Variants in OR9Q1 observed in about 807,000 individuals in gnomAD.
The protein encoded by OR9Q1 is olfactory receptor 9Q1.
For missense variants in OR9Q1, 374 were observed against 378.8 expected (o/e 0.99, Z 0.11); for synonymous variants, 153 against 148.6 (o/e 1.03, Z -0.22).
In OR9Q1 at chr11:58,180,453, C is replaced by T. The variant is rs893302418; in HGVS notation, c.*76C>T. Reference sequence around the variant, plus strand: ...AATTCTGGACGCTCATTATTTATAGCATGCTCAATGTTTAAATGAATATAT... The same window carrying T: ...AATTCTGGACGCTCATTATTTATAGTATGCTCAATGTTTAAATGAATATAT... On this transcript the variant is annotated 3_prime_UTR_variant, in exon 3 of 3. Transcript: ENST00000335397. 1.7e-4 allele frequency: 147 copies of T among 875,316 alleles called. No homozygotes were observed. The highest frequency in any genetic ancestry group is 2.4e-4 in the Non-Finnish European group (137 of 567,716). 54.2% of individuals were successfully genotyped at this position (875,316 alleles called of 1,614,324 possible).
At chr11:58,030,964 T>C (rs1350407983) in intron 1 of OR9Q1, 3 of 1,612,518 alleles carry the variant, frequency 1.9e-6, no homozygotes, top group Non-Finnish European at 2.5e-6. Flanking sequence ...TGCAACCATA[T>C]ACCAAAAACT....
chr11:58,151,776 ATT>A (rs11321930), intron 2 of OR9Q1, among the ~76,000 whole-genome samples: 11 of 147,928 alleles, frequency 7.4e-5, no homozygotes, highest in Admixed American at 3.4e-4. Context: ...CCCCCAGACC[ATT>A]TTTTTTTTTA....
chr11:58,119,908 C>G (rs1332407772), intron 2 of OR9Q1, among the ~76,000 whole-genome samples: 1 of 152,118 alleles, frequency 6.6e-6, no homozygotes, highest in Non-Finnish European at 1.5e-5. Flanking sequence ...CTTAGTTTTA[C>G]CCCTTCTAGA....
intron 2 of OR9Q1, among the ~76,000 whole-genome samples, chr11:58,178,947 A>G (rs1854631717): frequency 6.9e-6 from 1 of 144,070 alleles, no homozygotes; most frequent in African/African-American, 2.5e-5. Flanking sequence ...TATATAATAT[A>G]TATTTACATA....
At chr11:58,024,952 C>T (rs2441953) in intron 1 of OR9Q1, among the ~76,000 whole-genome samples, 1 of 151,922 alleles carries the variant, frequency 6.6e-6, no homozygotes, top group Non-Finnish European at 1.5e-5. Context: ...CTTTTTTTGT[C>T]AGAAGCTCTG....
intron 2 of OR9Q1, among the ~76,000 whole-genome samples, chr11:58,083,178 A>AT (rs1377360767): frequency 6.6e-6 from 1 of 151,846 alleles, no homozygotes; most frequent in African/African-American, 2.4e-5. Flanking sequence ...TCCATCTTTA[A>AT]TTTTTGTATA....
chr11:58,145,748 T>G (rs1448230563), intron 2 of OR9Q1, among the ~76,000 whole-genome samples: 1 of 152,208 alleles, frequency 6.6e-6, no homozygotes, highest in Non-Finnish European at 1.5e-5. Flanking sequence ...TTATCTGTCC[T>G]GCGTATTGTG....
At chr11:58,121,534 A>T (rs193093322) in intron 2 of OR9Q1, among the ~76,000 whole-genome samples, 1 of 152,306 alleles carries the variant, frequency 6.6e-6, no homozygotes, top group Admixed American at 6.5e-5. Context: ...CATGTAGAGG[A>T]GCCAGGATCC....
At chr11:58,178,651 G>A (rs1207409595) in intron 2 of OR9Q1, among the ~76,000 whole-genome samples, 1 of 151,970 alleles carries the variant, frequency 6.6e-6, no homozygotes, top group African/African-American at 2.4e-5. Context: ...AACACTTGGT[G>A]GAGCAATAAG....
intron 1 of OR9Q1, among the ~76,000 whole-genome samples, chr11:58,027,343 G>C (rs78043749): frequency 1.3e-5 from 2 of 152,108 alleles, no homozygotes; most frequent in African/African-American, 4.8e-5. Flanking sequence ...GTTCTTTTTC[G>C]CTCATGTAAC....
chr11:58,139,912 T>C (rs1179407087), intron 2 of OR9Q1, among the ~76,000 whole-genome samples: 2 of 151,764 alleles, frequency 1.3e-5, no homozygotes, highest in African/African-American at 4.8e-5. Context: ...AGTGTAAAAG[T>C]GTTCCTATTT....
Position 58,108,914 on chromosome 11 carries a change from G to A in OR9Q1, c.-15+52967G>A, listed in dbSNP as rs562249087. On this transcript the variant is annotated intron_variant, in intron 2 of 2. Coordinates refer to ENST00000335397, the MANE Select transcript of OR9Q1 (RefSeq NM_001005212.4). Reference sequence around the variant, plus strand: ...ATGAAGGCAAGTGTCCCAAAGAAGAGGACAACAGTGGTGAGATGGGAGGTG... The same window carrying A: ...ATGAAGGCAAGTGTCCCAAAGAAGAAGACAACAGTGGTGAGATGGGAGGTG... 8.2e-6 allele frequency: 3 copies of A among 366,080 alleles called. No individual in the cohort carries two copies. In the East Asian group the frequency reaches 2.2e-4, roughly 27 times the overall value. The allele number at this position is 366,080 out of a possible 1,614,324, so 22.7% of individuals were successfully genotyped here.
chr11:58,147,849 T>C (rs988103622), intron 2 of OR9Q1, among the ~76,000 whole-genome samples: 5 of 152,202 alleles, frequency 3.3e-5, no homozygotes. Flanking sequence ...AAGATTTCAT[T>C]CTTAAAATAA....
chr11:58,140,436 T>C (rs1429180211), intron 2 of OR9Q1, among the ~76,000 whole-genome samples: 2 of 152,200 alleles, frequency 1.3e-5, no homozygotes, highest in African/African-American at 2.4e-5. Context: ...CATGTAAGTC[T>C]TTAATTCATC....
chr11:58,053,632 A>ACATATATAT (rs1853294563), intron 1 of OR9Q1, among the ~76,000 whole-genome samples: 1 of 118,684 alleles, frequency 8.4e-6, no homozygotes, highest in African/African-American at 3.1e-5. Flanking sequence ...TATATAAAAT[A>ACATATATAT]TATATATATA....
chr11:58,085,439 A>C (rs1248548535), intron 2 of OR9Q1, among the ~76,000 whole-genome samples: 1 of 151,792 alleles, frequency 6.6e-6, no homozygotes. Flanking sequence ...CTTTTAACAA[A>C]ATTTTAAATA....
intron 2 of OR9Q1, among the ~76,000 whole-genome samples, chr11:58,090,873 G>A (rs532514077): frequency 2.4e-3 from 358 of 152,190 alleles, no homozygotes; most frequent in African/African-American, 7.8e-3. Context: ...AGTCTTTGGA[G>A]GGTGTATGTG....
intron 1 of OR9Q1, among the ~76,000 whole-genome samples, chr11:58,036,376 AATGTACAAGGAG>A (rs2119927163): frequency 6.6e-6 from 1 of 152,316 alleles, no homozygotes; most frequent in South Asian, 2.1e-4. Context: ...TTCTGATGGA[AATGTACAAGGAG>A]ATTCATGTTG....
At chr11:58,142,165 C>T (rs1854256195) in intron 2 of OR9Q1, among the ~76,000 whole-genome samples, 1 of 152,048 alleles carries the variant, frequency 6.6e-6, no homozygotes, top group African/African-American at 2.4e-5. Flanking sequence ...ATTCCTCATA[C>T]TCTGCAGCAT....
Sources: gnomAD v4.1 joint callset for allele counts (sites outside exome capture counted in the v4.1 genomes callset) on GRCh38, gnomAD v4.1.1 for gene constraint, MANE v1.5 for transcripts, NCBI Gene and HGNC (gene_info 2026-07-23, HGNC 2026-07-21) for gene names.